Variants in CDA observed in about 807,000 individuals in gnomAD.
The protein encoded by CDA is cytidine aminohydrolase.
A neutral mutation model predicts 15.0 loss-of-function variants in CDA; 7 were observed. The ratio of observed to expected loss-of-function variants is 0.47; its 90% CI spans 0.26 to 0.87. The LOEUF (loss-of-function observed/expected upper bound fraction) is 0.87, where lower values mean the gene tolerates loss of function less well. Ranked by LOEUF, CDA falls within the 40% of genes least tolerant of loss-of-function variation. CDA has a pLI of 0.15. For synonymous variants in CDA, 58 were observed against 73.0 expected, an observed-to-expected ratio of 0.79 and a Z score of 1.05; for missense variants, 159 against 182.7, an observed-to-expected ratio of 0.87 and a Z score of 0.75.
intron 1 of CDA, among the ~76,000 whole-genome samples, chr1:20,600,528 G>C (rs896747686): frequency 3.3e-5 from 5 of 152,076 alleles, no homozygotes; most frequent in African/African-American, 1.2e-4. Context: ...GGCCGAGCTG[G>C]GCGGATCACT....
At chr1:20,594,824 A>T (rs1295120865) in intron 1 of CDA, among the ~76,000 whole-genome samples, 1 of 151,710 alleles carries the variant, frequency 6.6e-6, no homozygotes, top group African/African-American at 2.4e-5. Flanking sequence ...AAAAGAAAAG[A>T]AAGAAAGCAA....
chr1:20,592,017 C>T (rs2052553859), intron 1 of CDA, among the ~76,000 whole-genome samples: 2 of 151,772 alleles, frequency 1.3e-5, no homozygotes, highest in Admixed American at 6.6e-5. Context: ...AATTTTTGTA[C>T]TTTTAGTAGA....
intron 2 of CDA, among the ~76,000 whole-genome samples, chr1:20,609,683 C>T (rs572529): frequency 0.34 from 51,615 of 152,000 alleles, 8,928 homozygotes; most frequent in Middle Eastern, 0.43. Context: ...TCCGATTGGT[C>T]TTTGTTGCTC....
chr1:20,603,790 A>G (rs980137627), intron 1 of CDA, among the ~76,000 whole-genome samples: 7 of 152,228 alleles, frequency 4.6e-5, no homozygotes, highest in African/African-American at 1.4e-4. Flanking sequence ...CCCAGCTCCC[A>G]TAGTGATTTG....
At chr1:20,605,178 C>T (rs996779379) in intron 2 of CDA, 139 bp downstream of exon 2, 2 of 706,610 alleles carry the variant, frequency 2.8e-6, no homozygotes, top group East Asian at 2.8e-5. Context: ...GTACAGGGCC[C>T]TGGGATGAGT....
At chr1:20,599,297 C>T (rs778471460) in intron 1 of CDA, among the ~76,000 whole-genome samples, 45 of 152,058 alleles carry the variant, frequency 3.0e-4, no homozygotes, top group Admixed American at 2.0e-3. Flanking sequence ...GACCTTGGCA[C>T]CAGATCACAT....
chr1:20,604,430 C>T (rs1238912596), intron 1 of CDA, among the ~76,000 whole-genome samples: 1 of 152,126 alleles, frequency 6.6e-6, no homozygotes, highest in African/African-American at 2.4e-5. Flanking sequence ...TAGGCTTGGT[C>T]CCCTTCATTC....
chr1:20,594,081 C>A (rs563318734), intron 1 of CDA, among the ~76,000 whole-genome samples: 1 of 152,292 alleles, frequency 6.6e-6, no homozygotes, highest in East Asian at 1.9e-4. Flanking sequence ...TATGGCAGAA[C>A]AGGTCTGCCC....
chr1:20,595,842 CA>C (rs1195136238), intron 1 of CDA, among the ~76,000 whole-genome samples: 1,877 of 73,068 alleles, frequency 0.026, 25 homozygotes, highest in African/African-American at 0.089. Context: ...AAGACTCTCT[CA>C]AAAAAAAAAA....
At position 20,592,277 on chromosome 1, in the gene CDA, G is replaced by T. The variant is rs543650742; in HGVS notation, c.154+2994G>T. 1.5e-4 allele frequency among the ~76,000 whole-genome samples: 23 copies of T among 152,300 alleles called. 1 individual carries two copies. In the South Asian group the frequency reaches 2.7e-3, roughly 18 times the overall value. Reference sequence around the variant, plus strand: ...TTCACTCTGATCGGTTGGTGCCTGCGCTGAGTATGTAGAATTTCACCCCTG... The same window carrying T: ...TTCACTCTGATCGGTTGGTGCCTGCTCTGAGTATGTAGAATTTCACCCCTG... On this transcript the variant is annotated intron_variant, in intron 1 of 3. Coordinates refer to ENST00000375071, the MANE Select transcript of CDA (RefSeq NM_001785.3).
At chr1:20,609,347 G>T (rs912421714) in intron 2 of CDA, among the ~76,000 whole-genome samples, 3 of 152,198 alleles carry the variant, frequency 2.0e-5, no homozygotes, top group Admixed American at 2.0e-4. Flanking sequence ...TTAACCAGGC[G>T]TGGTGGCGGG....
intron 3 of CDA, among the ~76,000 whole-genome samples, chr1:20,616,924 T>C (rs1214067364): frequency 6.6e-6 from 1 of 152,214 alleles, no homozygotes; most frequent in African/African-American, 2.4e-5. Context: ...AACAGGAGGC[T>C]GCAGACCTGA....
At chr1:20,593,003 G>A (rs2052561975) in intron 1 of CDA, among the ~76,000 whole-genome samples, 1 of 152,074 alleles carries the variant, frequency 6.6e-6, no homozygotes, top group African/African-American at 2.4e-5. Flanking sequence ...TGAGATGGAG[G>A]GATCACTTGA....
chr1:20,589,118 C>G lies in CDA; in HGVS notation c.-12C>G, dbSNP rs749081273. On this transcript the variant is annotated 5_prime_UTR_variant, in exon 1 of 4. Coordinates refer to ENST00000375071, the MANE Select transcript of CDA (RefSeq NM_001785.3). ...GTTTCCCGCTGCTCTGCTGCCTGCCCGGGGTACCAACATGGCCCAGAAGCG... is the reference window on the plus strand; with the variant it reads ...GTTTCCCGCTGCTCTGCTGCCTGCCGGGGGTACCAACATGGCCCAGAAGCG... 6 of 1,614,028 alleles carry G rather than the reference C, an allele frequency of 3.7e-6. No homozygotes were observed. In the South Asian group the frequency reaches 5.5e-5, roughly 15 times the overall value.
intron 1 of CDA, among the ~76,000 whole-genome samples, chr1:20,598,033 C>T: frequency 6.6e-6 from 1 of 152,110 alleles, no homozygotes; most frequent in East Asian, 1.9e-4. Context: ...GGTTAGCCAT[C>T]TTAGCTCAGG....
At chr1:20,600,011 A>AT (rs1195754783) in intron 1 of CDA, among the ~76,000 whole-genome samples, 2 of 152,182 alleles carry the variant, frequency 1.3e-5, no homozygotes, top group Non-Finnish European at 2.9e-5. Context: ...ATGAAACCTA[A>AT]TGGAACCTCT....
chr1:20,591,008 GA>G (rs1284388917), intron 1 of CDA, among the ~76,000 whole-genome samples: 1 of 152,114 alleles, frequency 6.6e-6, no homozygotes, highest in African/African-American at 2.4e-5. Flanking sequence ...AGAGCCAGGG[GA>G]CCCCCATGCC....
intron 1 of CDA, among the ~76,000 whole-genome samples, chr1:20,603,634 T>C (rs900651555): frequency 8.5e-5 from 13 of 152,174 alleles, no homozygotes; most frequent in African/African-American, 2.7e-4. Flanking sequence ...TGAGCGGCCA[T>C]GCTGGAATGG....
intron 1 of CDA, among the ~76,000 whole-genome samples, chr1:20,593,672 T>C (rs939900216): frequency 6.6e-6 from 1 of 152,224 alleles, no homozygotes; most frequent in African/African-American, 2.4e-5. Context: ...ACCCCTGAGT[T>C]CAAGCTATCC....
Sources: allele counts gnomAD v4.1 joint callset (sites outside exome capture counted in the v4.1 genomes callset), GRCh38; gene constraint gnomAD v4.1.1; transcripts MANE v1.5; gene names NCBI Gene and HGNC (gene_info 2026-07-23, HGNC 2026-07-21).